The following SLC14A2 variants were observed in gnomAD, a reference collection of about 807,000 sequenced individuals.
SLC14A2 encodes the protein urea transporter 2.
SLC14A2 carries 91 observed loss-of-function variants against 104.6 expected under a neutral mutation model. That is an observed-to-expected ratio of 0.87 (90% CI 0.73 to 1.04). SLC14A2 has a LOEUF of 1.04. Among genes scored for constraint, SLC14A2 ranks in the 50% least tolerant of loss-of-function variants. The probability of loss-of-function intolerance (pLI) is 0.00; values close to 1 mark genes in which losing one functional copy is unlikely to be tolerated. For synonymous variants in SLC14A2, 476 were observed against 466.4 expected (o/e 1.02, Z -0.27); for missense variants, 1,189 against 1,156.0 (o/e 1.03, Z -0.41).
chr18:45,336,363 A>C (rs2085337750), intron 1 of SLC14A2, among the ~76,000 whole-genome samples: 1 of 152,184 alleles, frequency 6.6e-6, no homozygotes, highest in South Asian at 2.1e-4. Flanking sequence ...GGGAAGCAGC[A>C]GGGAACCCTA....
intron 1 of SLC14A2, among the ~76,000 whole-genome samples, chr18:45,439,754 G>C (rs1189179192): frequency 6.6e-6 from 1 of 152,218 alleles, no homozygotes; most frequent in Non-Finnish European, 1.5e-5. Context: ...CACAGTGTTG[G>C]GGGTGAGGGA....
At chr18:45,411,079 G>A (rs1044469567) in intron 1 of SLC14A2, among the ~76,000 whole-genome samples, 2 of 152,222 alleles carry the variant, frequency 1.3e-5, no homozygotes, top group East Asian at 1.9e-4. Flanking sequence ...GTGATAAGAA[G>A]CTTGCAGGAA....
In SLC14A2 at chr18:45,264,483, G is replaced by A. The variant is rs1028413167; in HGVS notation, c.-125+51292G>A. 7.9e-5 allele frequency among the ~76,000 whole-genome samples: 12 copies of A among 151,746 alleles called. 1 individual carries two copies. The South Asian group carries it at 1.3e-3, about 16-fold the overall frequency. Reference sequence around the variant, plus strand: ...ATCTTGAGCCTTAGTGTATTAGTCCGTTTTTTTTGCTGCTGATAAAGACAT... The same window carrying A: ...ATCTTGAGCCTTAGTGTATTAGTCCATTTTTTTTGCTGCTGATAAAGACAT... On this transcript the variant is annotated intron_variant, in intron 1 of 20. Coordinates refer to the SLC14A2 transcript ENST00000586448.
intron 6 of SLC14A2, among the ~76,000 whole-genome samples, chr18:45,637,839 G>A (rs1289257878): frequency 6.6e-6 from 1 of 152,076 alleles, no homozygotes; most frequent in Non-Finnish European, 1.5e-5. Context: ...TAAGAATTAT[G>A]AGGAGTGTGA....
At chr18:45,537,663 G>T (rs2043816327) in intron 2 of SLC14A2, among the ~76,000 whole-genome samples, 1 of 152,184 alleles carries the variant, frequency 6.6e-6, no homozygotes, top group African/African-American at 2.4e-5. Flanking sequence ...GGAGTGTCAT[G>T]ATTTGACCTA....
At chr18:45,183,553 T>C in the SLC14A2 span, among the ~76,000 whole-genome samples, 3 of 152,220 alleles carry the variant, frequency 2.0e-5, no homozygotes, top group Non-Finnish European at 2.9e-5. Flanking sequence ...TTTGTTAGTG[T>C]AGATTATTGT....
intron 5 of SLC14A2, among the ~76,000 whole-genome samples, chr18:45,633,938 C>T (rs905293035): frequency 6.6e-6 from 1 of 152,132 alleles, no homozygotes; most frequent in African/African-American, 2.4e-5. Context: ...CTTAATGCCC[C>T]CCACGTTCCT....
intron 1 of SLC14A2, among the ~76,000 whole-genome samples, chr18:45,449,539 T>C (rs2086825830): frequency 6.6e-6 from 1 of 152,154 alleles, no homozygotes; most frequent in African/African-American, 2.4e-5. Context: ...GGACACCCAG[T>C]CAGGCCTCAG....
intron 2 of SLC14A2, among the ~76,000 whole-genome samples, chr18:45,559,731 G>A (rs1217399082): frequency 6.6e-6 from 1 of 152,186 alleles, no homozygotes; most frequent in Non-Finnish European, 1.5e-5. Flanking sequence ...ATGGTGCTCT[G>A]GTGCCATTGG....
intron 1 of SLC14A2, among the ~76,000 whole-genome samples, chr18:45,236,562 T>C (rs2084254898): frequency 8.3e-6 from 1 of 119,796 alleles, no homozygotes; most frequent in Non-Finnish European, 1.8e-5. Context: ...TATATATGTG[T>C]ATATATGTAT....
intron 2 of SLC14A2, among the ~76,000 whole-genome samples, chr18:45,548,991 A>G (rs1227693746): frequency 6.6e-6 from 1 of 152,212 alleles, no homozygotes; most frequent in East Asian, 1.9e-4. Context: ...GACCCCAGAG[A>G]GTAGACCAAG....
chr18:45,590,181 C>A (rs566332295), intron 2 of SLC14A2, among the ~76,000 whole-genome samples: 113 of 152,276 alleles, frequency 7.4e-4, no homozygotes, highest in African/African-American at 2.6e-3. Flanking sequence ...GCCCAGGGTC[C>A]AACAGTTTGA....
chr18:45,477,768 G>A (rs1190180623), intron 1 of SLC14A2, among the ~76,000 whole-genome samples: 1 of 152,150 alleles, frequency 6.6e-6, no homozygotes, highest in Non-Finnish European at 1.5e-5. Context: ...CTTCCTGGTG[G>A]CGTTGTTTAT....
chr18:45,331,984 C>G (rs1201798307), intron 1 of SLC14A2, among the ~76,000 whole-genome samples: 1 of 152,208 alleles, frequency 6.6e-6, no homozygotes, highest in Non-Finnish European at 1.5e-5. Flanking sequence ...AGCCTCATCT[C>G]TGCTCTTGAG....
intron 1 of SLC14A2, among the ~76,000 whole-genome samples, chr18:45,224,178 G>A (rs895616785): frequency 2.0e-5 from 3 of 152,194 alleles, no homozygotes; most frequent in Non-Finnish European, 4.4e-5. Context: ...GCTGTGCAGT[G>A]TCCTAGAGCC....
intron 1 of SLC14A2, among the ~76,000 whole-genome samples, chr18:45,350,310 A>AT (rs1032388168): frequency 3.9e-5 from 6 of 152,224 alleles, no homozygotes; most frequent in Admixed American, 3.9e-4. Context: ...AACAGTCACC[A>AT]TTTTTGATAT....
At chr18:45,602,832 C>G (rs1391654753) in intron 2 of SLC14A2, among the ~76,000 whole-genome samples, 1 of 152,226 alleles carries the variant, frequency 6.6e-6, no homozygotes, top group African/African-American at 2.4e-5. Context: ...TGAACTCATT[C>G]AAATTCCCAT....
chr18:45,385,230 G>A (rs1310939964), intron 1 of SLC14A2, among the ~76,000 whole-genome samples: 5 of 152,196 alleles, frequency 3.3e-5, no homozygotes, highest in Non-Finnish European at 7.3e-5. Flanking sequence ...CCACTTCCAG[G>A]TGGCGTGCAG....
rs139056182 is a variant in SLC14A2 at position 45,263,682 on chromosome 18, C to T, written c.-125+50491C>T. ...ATGTTTTTTAAGTGTTTATGTATAT[C>T]GGTTTAGACTCATGGATATTTATTG... On this transcript the variant is annotated intron_variant, in intron 1 of 20. Transcript: ENST00000586448. Among the ~76,000 whole-genome samples, 801 of 152,200 alleles carry T rather than the reference C, an allele frequency of 5.3e-3. 4 individuals carry two copies. The highest frequency in any genetic ancestry group is 7.8e-3 in the Non-Finnish European group (532 of 67,996).
Sources: gnomAD v4.1 joint callset for allele counts (sites outside exome capture counted in the v4.1 genomes callset) on GRCh38, gnomAD v4.1.1 for gene constraint, MANE v1.5 for transcripts, NCBI Gene and HGNC (gene_info 2026-07-23, HGNC 2026-07-21) for gene names.